KCNQ3: variants seen among roughly 807,000 people sequenced by gnomAD.
The protein encoded by KCNQ3 is potassium voltage-gated channel subfamily KQT member 3.
Under a neutral mutation model 92.5 loss-of-function variants are expected in KCNQ3, and 30 were observed. The ratio of observed to expected loss-of-function variants is 0.32; its 90% confidence interval spans 0.24 to 0.44. The LOEUF is 0.44. Among genes scored for constraint, KCNQ3 ranks in the 20% least tolerant of loss-of-function variants. The probability of loss-of-function intolerance (pLI) is 1.00; values close to 1 mark genes in which losing one functional copy is unlikely to be tolerated. For synonymous variants in KCNQ3, 450 were observed against 468.8 expected, an observed-to-expected ratio of 0.96 and a Z score of 0.52; for missense variants, 913 against 1,140.3, an observed-to-expected ratio of 0.80 and a Z score of 2.87.
At chr8:132,253,744 C>T (rs1815489824) in intron 1 of KCNQ3, among the ~76,000 whole-genome samples, 1 of 152,212 alleles carries the variant, frequency 6.6e-6, no homozygotes. Context: ...TTGGATTCGT[C>T]TTCACCGGTA....
intron 1 of KCNQ3, among the ~76,000 whole-genome samples, chr8:132,395,649 C>G (rs1049145998): frequency 6.6e-6 from 1 of 152,236 alleles, no homozygotes; most frequent in Non-Finnish European, 1.5e-5. Context: ...GCATCTCCTA[C>G]TAAAGAGATT....
At chr8:132,252,047 C>G (rs546845438) in intron 1 of KCNQ3, among the ~76,000 whole-genome samples, 111 of 152,052 alleles carry the variant, frequency 7.3e-4, no homozygotes, top group Non-Finnish European at 1.3e-3. Flanking sequence ...TTGTTTTTCT[C>G]CTGATGGGGA....
In KCNQ3 at chr8:132,480,623, G is replaced by T; in HGVS notation, c.-91C>A. The T allele has an allele frequency of 8.4e-7, 1 of 1,184,992 alleles. No homozygotes were observed. Among genetic ancestry groups the T allele is most frequent in the Non-Finnish European group, 1.1e-6 (1 of 938,082 alleles). 73.4% of individuals were successfully genotyped at this position (1,184,992 alleles called of 1,614,324 possible). On this transcript the variant is annotated 5_prime_UTR_variant, in exon 1 of 15. Transcript: ENST00000388996. ...GTGCGTGAACGAGGCGGCGGCGGCG[G>T]CTGCAAGCCCGGGAACTCCAATGCC...
At chr8:132,260,813 C>G (rs1815760470) in intron 1 of KCNQ3, among the ~76,000 whole-genome samples, 1 of 151,982 alleles carries the variant, frequency 6.6e-6, no homozygotes, top group Non-Finnish European at 1.5e-5. Flanking sequence ...ATCCAATCCT[C>G]AGTCCATCCA....
intron 1 of KCNQ3, among the ~76,000 whole-genome samples, chr8:132,347,600 A>T (rs1365096981): frequency 6.6e-6 from 1 of 152,228 alleles, no homozygotes; most frequent in Admixed American, 6.5e-5. Flanking sequence ...CCTAACTTAC[A>T]TAATTCATCA....
chr8:132,128,251 G>C lies in KCNQ3; in HGVS notation c.*1011C>G, dbSNP rs967441767. ...TCTATGGGACAACTGAGTGACTCTG[G>C]GTATGTCACTTTACCTGAGCCTAAG... On this transcript the variant is annotated 3_prime_UTR_variant, in exon 15 of 15. Transcript: ENST00000388996. The C allele has an allele frequency of 6.6e-6, 1 of 152,106 alleles. No homozygotes were observed. Among genetic ancestry groups the C allele is most frequent in the African/African-American group, 2.4e-5 (1 of 41,402 alleles). 9.4% of individuals were successfully genotyped at this position (152,106 alleles called of 1,614,324 possible).
intron 1 of KCNQ3, among the ~76,000 whole-genome samples, chr8:132,466,615 C>A (rs190472142): frequency 6.4e-4 from 98 of 152,244 alleles, no homozygotes; most frequent in African/African-American, 2.3e-3. Context: ...TAATCTACTT[C>A]TTTCCTGTCT....
At chr8:132,149,303 G>C (rs1355795458) in intron 9 of KCNQ3, among the ~76,000 whole-genome samples, 2 of 152,246 alleles carry the variant, frequency 1.3e-5, no homozygotes, top group Admixed American at 1.3e-4. Flanking sequence ...GGCCTCTCCT[G>C]TTCCTGGGTG....
At chr8:132,165,178 A>T (rs559079806) in intron 8 of KCNQ3, among the ~76,000 whole-genome samples, 5 of 152,280 alleles carry the variant, frequency 3.3e-5, no homozygotes, top group African/African-American at 1.2e-4. Context: ...AGTTCATGTC[A>T]TCTGGCTTCT....
At chr8:132,215,261 G>A (rs949555242) in intron 1 of KCNQ3, among the ~76,000 whole-genome samples, 11 of 152,208 alleles carry the variant, frequency 7.2e-5, no homozygotes, top group Admixed American at 3.3e-4. Context: ...CTCATACAAT[G>A]TTTACATGGG....
chr8:132,274,989 T>C (rs1368964509), intron 1 of KCNQ3, among the ~76,000 whole-genome samples: 2 of 152,128 alleles, frequency 1.3e-5, no homozygotes, highest in Non-Finnish European at 2.9e-5. Flanking sequence ...ACTCACCCCA[T>C]GCAGGAGGTC....
intron 4 of KCNQ3, 70 bp from the exon 5 acceptor site, chr8:132,175,678 A>G: frequency 1.4e-6 from 2 of 1,478,252 alleles, no homozygotes; most frequent in Non-Finnish European, 1.9e-6. Context: ...GGAGCCAGAC[A>G]CACCAGAGTT....
At position 132,129,787 on chromosome 8, in the gene KCNQ3, G is replaced by C. The variant is rs2130923770; in HGVS notation, c.2094C>G (p.Ser698Arg). 1 of 1,614,218 alleles carries C rather than the reference G, an allele frequency of 6.2e-7. No individual in the cohort carries two copies. The highest frequency in any genetic ancestry group is 1.1e-5 in the South Asian group (1 of 91,088). ...SETGPPEPPYSFHQVTIDKVS... is the reference protein window; with the variant it reads ...SETGPPEPPYRFHQVTIDKVS... ...CTTTGTCAATGGTCACCTGGTGGAA[G>C]CTGTAGGGTGGTTCCGGGGGGCCTG... The change falls in exon 15 of 15, where the codon AGC becomes AGG. Residue 698 changes from serine to arginine, a missense_variant. Coordinates refer to ENST00000388996, the MANE Select transcript of KCNQ3 (RefSeq NM_004519.4). The surrounding 1 kb of genome is among the most constrained non-coding windows in gnomAD (Gnocchi z 5.9).
At chr8:132,426,326 G>C (rs1821107453) in intron 1 of KCNQ3, among the ~76,000 whole-genome samples, 1 of 152,206 alleles carries the variant, frequency 6.6e-6, no homozygotes, top group South Asian at 2.1e-4. Context: ...ACCGGCCATG[G>C]TTCCTGCTTA....
intron 1 of KCNQ3, among the ~76,000 whole-genome samples, chr8:132,338,369 C>A (rs777481560): frequency 6.6e-5 from 10 of 152,142 alleles, no homozygotes; most frequent in Non-Finnish European, 1.2e-4. Context: ...GATTTAAATC[C>A]CAGCTTTGCC....
At chr8:132,232,051 T>C (rs1814661702) in intron 1 of KCNQ3, among the ~76,000 whole-genome samples, 1 of 152,158 alleles carries the variant, frequency 6.6e-6, no homozygotes. Flanking sequence ...AACTAAGTAA[T>C]TGGTCACCCA....
intron 1 of KCNQ3, among the ~76,000 whole-genome samples, chr8:132,210,267 C>T (rs1813808097): frequency 6.6e-6 from 1 of 152,182 alleles, no homozygotes. Flanking sequence ...ATCACCAGCT[C>T]ACATCGTGGG....
chr8:132,388,035 G>T (rs2721914), intron 1 of KCNQ3, among the ~76,000 whole-genome samples: 12,339 of 109,406 alleles, frequency 0.11, 690 homozygotes, highest in Admixed American at 0.22. Flanking sequence ...AAGAAGAAGA[G>T]GAAGAGGAAG....
In KCNQ3 at chr8:132,272,763, CCA is replaced by C. The variant is rs1164329927; in HGVS notation, c.387-86584_387-86583del. On this transcript the variant is annotated intron_variant, in intron 1 of 14. Transcript: ENST00000388996. ...TCAATTACCTTCCACTGGGTCCCTCCCATGACATGTGGGAATTGTGGGAGTTA... is the reference window on the plus strand; with the variant it reads ...TCAATTACCTTCCACTGGGTCCCTCCTGACATGTGGGAATTGTGGGAGTTA... Among the ~76,000 whole-genome samples, 6 of 152,230 alleles carry C rather than the reference CCA, an allele frequency of 3.9e-5. No individual in the cohort carries two copies. The South Asian group carries it at 1.0e-3, about 26-fold the overall frequency.
Sources: allele counts gnomAD v4.1 joint callset (sites outside exome capture counted in the v4.1 genomes callset), GRCh38; gene constraint gnomAD v4.1.1; non-coding constraint Gnocchi (gnomAD v3.1); transcripts MANE v1.5; gene names NCBI Gene and HGNC (gene_info 2026-07-23, HGNC 2026-07-21).